Variants in CTSS observed in about 807,000 individuals in gnomAD.
CTSS encodes cathepsin S.
In CTSS, 15 loss-of-function variants were observed where a neutral mutation model predicts 39.9. The ratio of observed to expected loss-of-function variants is 0.38; its 90% CI spans 0.25 to 0.58. The LOEUF (loss-of-function observed/expected upper bound fraction) is 0.58. CTSS is among the 20% of genes least tolerant of loss of function. The pLI is 0.70. For missense variants in CTSS, 250 were observed against 398.2 expected (o/e 0.63, Z 3.17); for synonymous variants, 126 against 138.2 (o/e 0.91, Z 0.62).
At chr1:150,765,073 A>G (rs1653343201) in intron 1 of CTSS, among the ~76,000 whole-genome samples, 1 of 148,384 alleles carries the variant, frequency 6.7e-6, no homozygotes, top group Admixed American at 7.0e-5. Context: ...AACAAATCTA[A>G]TCAAAGGAAA....
intron 5 of CTSS, among the ~76,000 whole-genome samples, chr1:150,751,356 T>C (rs764067090): frequency 6.6e-5 from 10 of 152,122 alleles, no homozygotes; most frequent in Non-Finnish European, 1.2e-4. Context: ...CAAGCGATTC[T>C]CCTGCTTCAG....
At position 150,732,536 on chromosome 1, in the gene CTSS, A is replaced by T. The variant is rs1652545785; in HGVS notation, c.*510T>A. On this transcript the variant is annotated 3_prime_UTR_variant, in exon 8 of 8. Transcript: ENST00000368985. ...ATTTTTGTACAGTTATATCTATAGT[A>T]CATTACTAATTTACTTAGCAAACTT... 1 of 153,174 alleles carries T rather than the reference A, an allele frequency of 6.5e-6. No individual in the cohort carries two copies. Among genetic ancestry groups the T allele is most frequent in the Non-Finnish European group, 1.5e-5 (1 of 68,704 alleles). The allele number at this position is 153,174 out of a possible 1,614,324, so 9.5% of individuals were successfully genotyped here.
In CTSS at chr1:150,750,140, CGAT is replaced by C; in HGVS notation, c.656_658del (p.Tyr219_Arg220delinsCys). The stretch of plus-strand genomic sequence containing the variant: ...AGTGTACTTTGAACATGTGGCAGCA[CGAT>C]ATTTTGAGTCATATTGACATTTCTG... On this transcript the variant is annotated inframe_deletion, in exon 6 of 8. Coordinates refer to ENST00000368985, the MANE Select transcript of CTSS (RefSeq NM_004079.5). The C allele has an allele frequency of 6.2e-7, 1 of 1,612,540 alleles. No homozygotes were observed. The highest frequency in any genetic ancestry group is 8.5e-7 in the Non-Finnish European group (1 of 1,178,960).
At chr1:150,761,195 AAAG>A (rs1653252361) in intron 2 of CTSS, among the ~76,000 whole-genome samples, 2 of 151,436 alleles carry the variant, frequency 1.3e-5, no homozygotes, top group African/African-American at 2.4e-5. Context: ...AAAAAAAAAA[AAAG>A]AGAGAAGAAA....
chr1:150,752,322 G>A (rs1481979514), intron 4 of CTSS, among the ~76,000 whole-genome samples: 2 of 152,192 alleles, frequency 1.3e-5, no homozygotes, highest in Admixed American at 6.5e-5. Context: ...TCACCCATAA[G>A]TAAGGGAGAT....
At chr1:150,742,053 A>G (rs1347886866) in intron 7 of CTSS, among the ~76,000 whole-genome samples, 5 of 152,090 alleles carry the variant, frequency 3.3e-5, no homozygotes, top group Admixed American at 3.3e-4. Flanking sequence ...CCTGGCCAAC[A>G]TGGTGAAACT....
At chr1:150,754,763 G>T (rs906305934) in intron 4 of CTSS, among the ~76,000 whole-genome samples, 1 of 152,018 alleles carries the variant, frequency 6.6e-6, no homozygotes, top group Admixed American at 6.6e-5. Flanking sequence ...TTTGATCCAC[G>T]GTTGGTGGAA....
chr1:150,740,556 A>G (rs587769070), intron 7 of CTSS, among the ~76,000 whole-genome samples: 1 of 151,800 alleles, frequency 6.6e-6, no homozygotes, highest in South Asian at 2.1e-4. Context: ...ACGCCTGGCT[A>G]ATTTTTTTTG....
chr1:150,737,023 C>CTCACA (rs1652648540), intron 7 of CTSS, among the ~76,000 whole-genome samples: 1 of 152,070 alleles, frequency 6.6e-6, no homozygotes, highest in South Asian at 2.1e-4. Context: ...TGGTATATAG[C>CTCACA]CAATGCTTAC....
intron 7 of CTSS, among the ~76,000 whole-genome samples, chr1:150,741,730 C>G (rs587619276): frequency 2.0e-5 from 3 of 151,810 alleles, no homozygotes; most frequent in African/African-American, 7.2e-5. Flanking sequence ...CAAAAATTAG[C>G]CAGGTGTTTT....
chr1:150,760,583 A>G (rs1276374063), intron 2 of CTSS, among the ~76,000 whole-genome samples: 1 of 152,204 alleles, frequency 6.6e-6, no homozygotes. Context: ...GTTTGTTGAT[A>G]ACATGATCAT....
chr1:150,735,222 G>T (rs1652608492), intron 7 of CTSS, among the ~76,000 whole-genome samples: 1 of 152,170 alleles, frequency 6.6e-6, no homozygotes, highest in African/African-American at 2.4e-5. Context: ...CCTAAGAAAT[G>T]CTGGTTTATT....
At chr1:150,739,623 C>A (rs1482575775) in intron 7 of CTSS, among the ~76,000 whole-genome samples, 1 of 151,988 alleles carries the variant, frequency 6.6e-6, no homozygotes, top group Admixed American at 6.6e-5. Context: ...TGAGATTGTG[C>A]CACTGCACTC....
chr1:150,742,005 G>A (rs951537127), intron 7 of CTSS, among the ~76,000 whole-genome samples: 6 of 151,972 alleles, frequency 3.9e-5, no homozygotes, highest in East Asian at 1.9e-4. Flanking sequence ...TGGGGAGACC[G>A]AGGTGGGCAG....
intron 7 of CTSS, among the ~76,000 whole-genome samples, chr1:150,740,351 CT>C (rs200031254): frequency 3.6e-4 from 55 of 151,958 alleles, no homozygotes; most frequent in African/African-American, 1.1e-3. Flanking sequence ...TTTGTAATGA[CT>C]TTTTTTTCAT....
chr1:150,758,486 ATTATT>A (rs1209309831), intron 2 of CTSS, among the ~76,000 whole-genome samples: 2 of 136,114 alleles, frequency 1.5e-5, no homozygotes, highest in Admixed American at 6.8e-5. Flanking sequence ...ATGGTTTAAT[ATTATT>A]TTATGATAAA....
chr1:150,759,684 G>C (rs587773533), intron 2 of CTSS, among the ~76,000 whole-genome samples: 6 of 151,786 alleles, frequency 4.0e-5, no homozygotes, highest in East Asian at 1.9e-4. Context: ...CATGCTGACC[G>C]ACGATTTTCT....
chr1:150,742,175 TGAACCTTAAAGGCA>T (rs57477147), intron 7 of CTSS, among the ~76,000 whole-genome samples: 59,266 of 151,542 alleles, frequency 0.39, 13,207 homozygotes, highest in Non-Finnish European at 0.5. Context: ...AAGAATTGCT[TGAACCTTAAAGGCA>T]GAGGTTGCGG....
intron 2 of CTSS, among the ~76,000 whole-genome samples, chr1:150,762,268 TA>T (rs1221910985): frequency 3.9e-5 from 6 of 152,198 alleles, no homozygotes; most frequent in African/African-American, 1.2e-4. Flanking sequence ...CCATATACAA[TA>T]ATCAACTCAA....
Sources: allele counts gnomAD v4.1 joint callset (sites outside exome capture counted in the v4.1 genomes callset), GRCh38; gene constraint gnomAD v4.1.1; transcripts MANE v1.5; gene names NCBI Gene and HGNC (gene_info 2026-07-23, HGNC 2026-07-21).